Variants in UCMA observed in about 807,000 individuals in gnomAD.
UCMA encodes the protein upper zone of growth plate and cartilage matrix-associated protein.
In UCMA, 21 loss-of-function variants were observed where a neutral mutation model predicts 21.8. The observed-to-expected ratio is 0.97, with a 90% CI of 0.68 to 1.39. The LOEUF (loss-of-function observed/expected upper bound fraction) is 1.39. Ranked by LOEUF, UCMA falls within the 40% of genes most tolerant of loss-of-function variation. The pLI, the probability that UCMA is intolerant of heterozygous loss-of-function variation, is 0.00. For synonymous variants in UCMA, 76 were observed against 67.9 expected (o/e 1.12, Z -0.58); for missense variants, 193 against 178.9 (o/e 1.08, Z -0.45).
At chr10:13,223,608 C>A (rs1289886640) in intron 4 of UCMA, among the ~76,000 whole-genome samples, 3 of 152,172 alleles carry the variant, frequency 2.0e-5, no homozygotes, top group Non-Finnish European at 4.4e-5. Context: ...GGCTGGGGTG[C>A]AGTGGCGTGA....
chr10:13,233,901 G>A, intron 1 of UCMA, 101 bp from the exon 2 acceptor site: 2 of 1,429,052 alleles, frequency 1.4e-6, no homozygotes, highest in Non-Finnish European at 1.9e-6. Flanking sequence ...TCCTGCCAGG[G>A]CCTGGCAGGG....
rs372008702 is a variant in UCMA, at chr10:13,233,723, C to T, written c.124+12G>A. On this transcript the variant is annotated intron_variant, in intron 2 of 4. Coordinates refer to ENST00000378681, the MANE Select transcript of UCMA (RefSeq NM_145314.3). The stretch of plus-strand genomic sequence containing the variant: ...GCACCTGCCCTGCCCCGTGGGTGGC[C>T]CCTGCACTCACCTTCACTCGCCTCT... 6.2e-6 allele frequency: 10 copies of T among 1,613,862 alleles called. No individual in the cohort carries two copies. The highest frequency in any genetic ancestry group is 1.7e-5 in the Admixed American group (1 of 59,974).
intron 4 of UCMA, among the ~76,000 whole-genome samples, chr10:13,224,912 C>T (rs768410044): frequency 6.6e-6 from 1 of 152,172 alleles, no homozygotes; most frequent in Non-Finnish European, 1.5e-5. Context: ...CCAGGGGCAG[C>T]CTGGAGCTCA....
intron 3 of UCMA, among the ~76,000 whole-genome samples, chr10:13,232,684 A>G (rs1193247208): frequency 1.3e-5 from 2 of 152,184 alleles, no homozygotes; most frequent in Non-Finnish European, 2.9e-5. Context: ...TTACCAAGCA[A>G]GTCACCTTGC....
chr10:13,230,900 TACA>T lies in UCMA; in HGVS notation c.221-1194_221-1192del, dbSNP rs1834889446. On this transcript the variant is annotated intron_variant, in intron 3 of 4. Transcript: ENST00000378681. ...GGCAAAACCCCATCTCTACTAAAAA[TACA>T]ACAATTAGCCAGGCGTGGTGGCAGG... Among the ~76,000 whole-genome samples the T allele has an allele frequency of 2.0e-5, 3 of 151,950 alleles. No homozygotes were observed. In the South Asian group the frequency reaches 6.2e-4, roughly 32 times the overall value.
At chr10:13,232,390 A>T (rs2131607828) in intron 3 of UCMA, among the ~76,000 whole-genome samples, 1 of 150,374 alleles carries the variant, frequency 6.7e-6, no homozygotes, top group East Asian at 2.0e-4. Flanking sequence ...AAAAAAAAAA[A>T]AAAAAGAGGA....
rs201354285 is a variant in UCMA at position 13,233,625 on chromosome 10, G to C, written c.133C>G (p.Gln45Glu). The change falls in exon 3 of 5, where the codon CAG becomes GAG. Residue 45 changes from glutamine to glutamate, a missense_variant. Physicochemically the swap from Gln to Glu is conservative, Grantham distance 29. Coordinates refer to ENST00000378681, the MANE Select transcript of UCMA (RefSeq NM_145314.3). The part of the protein sequence containing the change: ...AGEEASEDAK[Q>E]KIFMQESDAS... ...TCTGATTCCTGCATGAAAATCTTCT[G>C]TTTTGCATCTGAAACCCGGGAGAGG... The C allele has an allele frequency of 6.2e-7, 1 of 1,614,160 alleles. No homozygotes were observed.
intron 4 of UCMA, among the ~76,000 whole-genome samples, chr10:13,224,185 G>A (rs1446781369): frequency 1.3e-5 from 2 of 152,106 alleles, no homozygotes; most frequent in African/African-American, 2.4e-5. Flanking sequence ...ATATTAGCCA[G>A]GTGTGATAGC....
chr10:13,228,559 T>A lies in UCMA; in HGVS notation c.319+1052A>T, dbSNP rs76440776. 1.3e-4 allele frequency among the ~76,000 whole-genome samples: 20 copies of A among 152,280 alleles called. 1 individual carries two copies. The South Asian group carries it at 4.1e-3, about 32-fold the overall frequency. On this transcript the variant is annotated intron_variant, in intron 4 of 4. Coordinates refer to ENST00000378681, the MANE Select transcript of UCMA (RefSeq NM_145314.3). The stretch of plus-strand genomic sequence containing the variant: ...GCAAGCTGTTTTCTGAGTTCAGCTT[T>A]CCTGGTTTGCTTCTGCCAGTCAGTA...
intron 4 of UCMA, among the ~76,000 whole-genome samples, chr10:13,225,736 C>T (rs1834816579): frequency 6.6e-6 from 1 of 150,908 alleles, no homozygotes; most frequent in Non-Finnish European, 1.5e-5. Context: ...AAACCAGGGT[C>T]CTGACTGACA....
intron 4 of UCMA, among the ~76,000 whole-genome samples, chr10:13,228,871 A>T (rs541372484): frequency 6.6e-6 from 1 of 152,184 alleles, no homozygotes; most frequent in East Asian, 1.9e-4. Flanking sequence ...GAATAAGGGT[A>T]TTCTGTCCCC....
rs369577986 is a variant in UCMA at position 13,229,606 on chromosome 10, C to T, written c.319+5G>A. Reference sequence around the variant, plus strand: ...CCCTGAAGACACTGGCTGAAGAGCTCTTACCATCGTTTTGTTCCTCCACGA... The same window carrying T: ...CCCTGAAGACACTGGCTGAAGAGCTTTTACCATCGTTTTGTTCCTCCACGA... On this transcript the variant is annotated splice_donor_5th_base_variant and intron_variant, in intron 4 of 4. Transcript: ENST00000378681. 5 of 1,613,422 alleles carry T rather than the reference C, an allele frequency of 3.1e-6. No individual in the cohort carries two copies. The Admixed American group carries it at 6.7e-5, about 22-fold the overall frequency.
At chr10:13,223,325 G>T (rs1024584126) in intron 4 of UCMA, among the ~76,000 whole-genome samples, 8 of 151,972 alleles carry the variant, frequency 5.3e-5, no homozygotes, top group African/African-American at 1.5e-4. Flanking sequence ...TGTTCGTAGC[G>T]CAACAGTTAC....
At chr10:13,224,240 T>C (rs1398680649) in intron 4 of UCMA, among the ~76,000 whole-genome samples, 4 of 151,888 alleles carry the variant, frequency 2.6e-5, no homozygotes, top group Admixed American at 6.6e-5. Flanking sequence ...GTTGGGAGGA[T>C]TGCTCGAGCC....
chr10:13,228,898 G>C (rs1419655423), intron 4 of UCMA, among the ~76,000 whole-genome samples: 1 of 151,630 alleles, frequency 6.6e-6, no homozygotes, highest in East Asian at 1.9e-4. Context: ...ACCTTCTCAA[G>C]TTCTGTGTAG....
chr10:13,232,083 G>C (rs534144536), intron 3 of UCMA, among the ~76,000 whole-genome samples: 1 of 152,248 alleles, frequency 6.6e-6, no homozygotes, highest in East Asian at 1.9e-4. Flanking sequence ...AGCTTAAGAG[G>C]ACAGAAGAGG....
intron 4 of UCMA, among the ~76,000 whole-genome samples, chr10:13,222,624 A>G (rs1434977667): frequency 6.6e-6 from 1 of 151,916 alleles, no homozygotes; most frequent in Non-Finnish European, 1.5e-5. Flanking sequence ...GAAGGAAATC[A>G]TTGTCGACTT....
At chr10:13,229,383 GT>G (rs1274218912) in intron 4 of UCMA, among the ~76,000 whole-genome samples, 1 of 151,910 alleles carries the variant, frequency 6.6e-6, no homozygotes, top group Non-Finnish European at 1.5e-5. Context: ...AGGGGCATCT[GT>G]AATCCCAGCT....
Position 13,234,325 on chromosome 10 carries a change from C to A in UCMA, c.-67G>T, listed in dbSNP as rs2131609470. On this transcript the variant is annotated 5_prime_UTR_variant, in exon 1 of 5. Transcript: ENST00000378681. ...ACCAGGCGTCCTGCACCCTTTGGGT[C>A]CCCACTTCTGAGGCAGGCAGCCCAG... is the stretch of plus-strand genomic sequence containing the variant. The A allele has an allele frequency of 6.4e-7, 1 of 1,561,972 alleles. No individual in the cohort carries two copies. The highest frequency in any genetic ancestry group is 8.7e-7 in the Non-Finnish European group (1 of 1,147,630).
Sources: gnomAD v4.1 joint callset for allele counts (sites outside exome capture counted in the v4.1 genomes callset) on GRCh38, gnomAD v4.1.1 for gene constraint, MANE v1.5 for transcripts, NCBI Gene and HGNC (gene_info 2026-07-23, HGNC 2026-07-21) for gene names.